Variants in PCDHGA1 observed in about 807,000 individuals in gnomAD.
PCDHGA1 encodes the protein protocadherin gamma subfamily A, 1, also known as protocadherin gamma-A1.
Under a neutral mutation model 58.0 loss-of-function variants are expected in PCDHGA1, and 32 were observed. The observed-to-expected ratio is 0.55, with a 90% confidence interval of 0.42 to 0.74. PCDHGA1 has a LOEUF of 0.74. Ranked by LOEUF, PCDHGA1 falls within the 30% of genes least tolerant of loss-of-function variation. The pLI, the probability that PCDHGA1 is intolerant of heterozygous loss-of-function variation, is 0.00. For synonymous variants in PCDHGA1, 498 were observed against 501.1 expected (o/e 0.99, Z 0.08); for missense variants, 1,205 against 1,182.3 (o/e 1.02, Z -0.28).
chr5:141,348,038 G>C (rs1758054161), intron 1 of PCDHGA1, among the ~76,000 whole-genome samples: 2 of 152,140 alleles, frequency 1.3e-5, no homozygotes, highest in Admixed American at 6.5e-5. Context: ...TCCAACAATG[G>C]AATAGAAGTC....
chr5:141,383,492 G>T (rs1012277194), intron 1 of PCDHGA1: 11 of 1,613,178 alleles, frequency 6.8e-6, no homozygotes, highest in Non-Finnish European at 9.3e-6. Context: ...GTGCTGGAGC[G>T]GGTGCTGGAC....
Position 141,374,782 on chromosome 5 carries a change from A to G in PCDHGA1, c.2421+41677A>G, listed in dbSNP as rs781674966. The G allele has an allele frequency of 1.9e-6, 3 of 1,613,904 alleles. No individual in the cohort carries two copies. The East Asian group carries it at 6.7e-5, about 36-fold the overall frequency. ...TCGCCCAAATTCTGGTAACAGTTCT[A>G]GATGTGAATGACAACACTCCAATGT... On this transcript the variant is annotated intron_variant, in intron 1 of 3. Coordinates refer to ENST00000517417, the MANE Select transcript of PCDHGA1 (RefSeq NM_018912.3).
intron 1 of PCDHGA1, chr5:141,344,109 A>G (rs1757365580): frequency 6.2e-7 from 1 of 1,613,872 alleles, no homozygotes; most frequent in Non-Finnish European, 8.5e-7. Flanking sequence ...GCTGTGCGAA[A>G]CAGGATCCGG....
chr5:141,362,241 C>T (rs557427510), intron 1 of PCDHGA1: 1 of 1,614,050 alleles, frequency 6.2e-7, no homozygotes, highest in African/African-American at 1.3e-5. Context: ...TCTCAGTGCT[C>T]TTCTTCCTCG....
chr5:141,408,298 G>T (rs778209794), intron 1 of PCDHGA1: 1 of 1,613,704 alleles, frequency 6.2e-7, no homozygotes, highest in South Asian at 1.1e-5. Context: ...TGAGTGAGCC[G>T]ATCCGCTACT....
intron 1 of PCDHGA1, chr5:141,371,806 T>A (rs773656836): frequency 6.2e-7 from 1 of 1,613,888 alleles, no homozygotes; most frequent in South Asian, 1.1e-5. Context: ...GGAGCCTCCA[T>A]TGCGCATGTC....
At chr5:141,376,311 T>G in intron 1 of PCDHGA1, 1 of 1,613,882 alleles carries the variant, frequency 6.2e-7, no homozygotes, top group Non-Finnish European at 8.5e-7. Context: ...TTTGTGGGCG[T>G]GGAAGGGGTT....
At chr5:141,413,316 T>G (rs769316460) in intron 1 of PCDHGA1, 1 of 1,613,976 alleles carries the variant, frequency 6.2e-7, no homozygotes, top group South Asian at 1.1e-5. Context: ...AGAAAGGCTC[T>G]TTCGTGGGCA....
At chr5:141,381,826 CT>C (rs770630741) in intron 1 of PCDHGA1, among the ~76,000 whole-genome samples, 3,016 of 74,262 alleles carry the variant, frequency 0.041, 29 homozygotes, top group African/African-American at 0.078. Flanking sequence ...CTTTCTTCTT[CT>C]TTTTTTTTTT....
rs761720184 is a variant in PCDHGA1 at position 141,364,947 on chromosome 5, C to A, written c.2421+31842C>A. On this transcript the variant is annotated intron_variant, in intron 1 of 3. Coordinates refer to ENST00000517417, the MANE Select transcript of PCDHGA1 (RefSeq NM_018912.3). ...CAGCCCCTAGACCGCGAGAAAGAGA[C>A]TGTTCACGACCTCCTCCTCACAGCT... 3 of 1,613,826 alleles carry A rather than the reference C, an allele frequency of 1.9e-6. No homozygotes were observed. Among genetic ancestry groups the A allele is most frequent in the African/African-American group, 1.3e-5 (1 of 74,916 alleles).
chr5:141,376,034 C>T, intron 1 of PCDHGA1: 1 of 1,613,128 alleles, frequency 6.2e-7, no homozygotes, highest in South Asian at 1.1e-5. Context: ...GGACCACGGC[C>T]AGCCCCCTCT....
At chr5:141,343,809 C>G in intron 1 of PCDHGA1, 1 of 459,568 alleles carries the variant, frequency 2.2e-6, no homozygotes, top group South Asian at 4.9e-5. Context: ...AGAAGGAGAA[C>G]GCAGCTGGAG....
chr5:141,374,773 A>T (rs192855761), intron 1 of PCDHGA1: 9 of 1,613,812 alleles, frequency 5.6e-6, no homozygotes, highest in Middle Eastern at 1.6e-4. Context: ...AAATTCTGGT[A>T]ACAGTTCTAG....
Position 141,494,803 on chromosome 5 carries a change from A to G in PCDHGA1, c.2422-4A>G. On this transcript the variant is annotated splice_polypyrimidine_tract_variant and splice_region_variant and intron_variant, in intron 1 of 3. Transcript: ENST00000517417. ...CAGCCCCTTTCCCTCTGTTTTCTCC[A>G]CAGCAAGCCCCGCCCAACACGGACT... The G allele has an allele frequency of 6.2e-7, 1 of 1,613,646 alleles. No individual in the cohort carries two copies. Among genetic ancestry groups the G allele is most frequent in the Non-Finnish European group, 8.5e-7 (1 of 1,179,900 alleles).
chr5:141,423,364 C>G (rs1299667864), intron 1 of PCDHGA1: 2 of 1,614,102 alleles, frequency 1.2e-6, no homozygotes, highest in East Asian at 4.5e-5. Flanking sequence ...CATCGTGCTG[C>G]TGGCACTCAG....
chr5:141,450,675 CG>C (rs2098689980), intron 1 of PCDHGA1, among the ~76,000 whole-genome samples: 1 of 151,614 alleles, frequency 6.6e-6, no homozygotes, highest in Non-Finnish European at 1.5e-5. Flanking sequence ...TTAGTAGAAA[CG>C]GGGTTTTGCC....
At chr5:141,350,902 C>T (rs749311481) in intron 1 of PCDHGA1, 2 of 1,612,812 alleles carry the variant, frequency 1.2e-6, no homozygotes, top group South Asian at 1.1e-5. Flanking sequence ...CCATGGATGG[C>T]GGGGACCCGC....
chr5:141,388,712 G>C (rs1345089798), intron 1 of PCDHGA1: 6 of 1,613,868 alleles, frequency 3.7e-6, no homozygotes, highest in Non-Finnish European at 5.1e-6. Flanking sequence ...TCAATGCCGA[G>C]ATTACTTTCT....
intron 1 of PCDHGA1, chr5:141,365,091 A>G: frequency 6.2e-7 from 1 of 1,613,870 alleles, no homozygotes. Context: ...GTTCCAGAGA[A>G]CATACCTGTG....
Sources: allele counts gnomAD v4.1 joint callset (sites outside exome capture counted in the v4.1 genomes callset), GRCh38; gene constraint gnomAD v4.1.1; transcripts MANE v1.5; gene names NCBI Gene and HGNC (gene_info 2026-07-23, HGNC 2026-07-21).